Variants in DCAF10 observed in about 807,000 individuals in gnomAD.
DCAF10 encodes DDB1- and CUL4-associated factor 10.
In DCAF10, 19 loss-of-function variants were observed where a neutral mutation model predicts 51.9. The ratio of observed to expected loss-of-function variants is 0.37; its 90% CI spans 0.26 to 0.54. The LOEUF (loss-of-function observed/expected upper bound fraction) is 0.54. Among genes scored for constraint, DCAF10 ranks in the 20% least tolerant of loss-of-function variants. The pLI is 0.87. For synonymous variants in DCAF10, 291 were observed against 297.1 expected, an observed-to-expected ratio of 0.98 and a Z score of 0.21; for missense variants, 510 against 730.6, an observed-to-expected ratio of 0.70 and a Z score of 3.48.
intron 2 of DCAF10, among the ~76,000 whole-genome samples, chr9:37,824,670 GTTAAGAGTCAACAATTTGAA>G (rs1829803016): frequency 6.6e-6 from 1 of 152,042 alleles, no homozygotes; most frequent in East Asian, 1.9e-4. Flanking sequence ...AATTTTCTTT[GTTAAGAGTCAACAATTTGAA>G]TAAAAAGCCA....
chr9:37,808,843 G>A (rs2119025176), intron 1 of DCAF10, among the ~76,000 whole-genome samples: 1 of 98,016 alleles, frequency 1.0e-5, no homozygotes, highest in South Asian at 3.3e-4. Context: ...CAGAGACCTG[G>A]CACAGTGGGT....
rs368989371 is a variant in DCAF10 at position 37,864,596 on chromosome 9, A to ATAAAAT, written c.*3088_*3089insTAAAAT. The ATAAAAT allele has an allele frequency of 1.4e-5, 2 of 144,854 alleles. No individual in the cohort carries two copies. The highest frequency in any genetic ancestry group is 5.2e-5 in the African/African-American group (2 of 38,574). 9.0% of individuals were successfully genotyped at this position (144,854 alleles called of 1,614,324 possible). On this transcript the variant is annotated 3_prime_UTR_variant, in exon 7 of 7. Coordinates refer to ENST00000377724, the MANE Select transcript of DCAF10 (RefSeq NM_024345.5). ...GAGACTCTGCCTCAAAAAAAAAAAA[A>ATAAAAT]AAAATAAAATAAAATAAAATTAGTT...
chr9:37,839,412 T>G (rs1201767475), intron 2 of DCAF10, among the ~76,000 whole-genome samples: 1 of 152,100 alleles, frequency 6.6e-6, no homozygotes, highest in Non-Finnish European at 1.5e-5. Flanking sequence ...GTTATCGTTA[T>G]TTTTAAAATA....
At chr9:37,812,616 A>G (rs1829383228) in intron 1 of DCAF10, among the ~76,000 whole-genome samples, 1 of 152,218 alleles carries the variant, frequency 6.6e-6, no homozygotes, top group Non-Finnish European at 1.5e-5. Flanking sequence ...ATATGCGTGT[A>G]AATCAAAATG....
Position 37,854,802 on chromosome 9 carries a change from C to T in DCAF10, c.874C>T (p.His292Tyr), listed in dbSNP as rs1340034578. The T allele has an allele frequency of 1.9e-6, 3 of 1,613,944 alleles. No homozygotes were observed. The highest frequency in any genetic ancestry group is 3.3e-5 in the Admixed American group (2 of 60,010). The change falls in exon 4 of 7, where the codon CAT (histidine) becomes TAT (tyrosine). Residue 292 changes from histidine to tyrosine, a missense_variant. His to Tyr is a moderately conservative substitution (Grantham distance 83). Transcript: ENST00000377724. ...TNRYTEDGCPHKKFFHTRFLM... is the reference protein window; with the variant it reads ...TNRYTEDGCPYKKFFHTRFLM... ...TAGGTATACAGAAGATGGGTGTCCA[C>T]ATAAGAAATTCTTTCACACACGTTT...
intron 3 of DCAF10, among the ~76,000 whole-genome samples, chr9:37,849,976 T>C: frequency 6.6e-6 from 1 of 151,938 alleles, no homozygotes; most frequent in East Asian, 2.0e-4. Flanking sequence ...GGAGGACCCC[T>C]TGAGCCCAGG....
At chr9:37,822,414 T>G (rs1334820915) in intron 2 of DCAF10, among the ~76,000 whole-genome samples, 1 of 41,262 alleles carries the variant, frequency 2.4e-5, no homozygotes, top group Non-Finnish European at 4.7e-5. Flanking sequence ...GATATATATA[T>G]ATATATATAT....
intron 4 of DCAF10, among the ~76,000 whole-genome samples, chr9:37,856,696 A>C (rs1191640519): frequency 6.6e-6 from 1 of 152,192 alleles, no homozygotes. Context: ...CTTTAGGCCC[A>C]GCTACTCAGG....
intron 1 of DCAF10, among the ~76,000 whole-genome samples, chr9:37,807,843 G>T (rs1211777550): frequency 1.3e-5 from 2 of 151,732 alleles, no homozygotes; most frequent in Non-Finnish European, 2.9e-5. Context: ...TGTATTTTTA[G>T]TAGAGATGAG....
At chr9:37,851,431 C>T (rs1305154993) in intron 3 of DCAF10, among the ~76,000 whole-genome samples, 1 of 151,728 alleles carries the variant, frequency 6.6e-6, no homozygotes, top group East Asian at 2.0e-4. Flanking sequence ...CGTCCCACCT[C>T]GGCCTCCCAA....
At position 37,801,126 on chromosome 9, in the gene DCAF10, A is replaced by G; in HGVS notation, c.260A>G (p.Glu87Gly). The change falls in exon 1 of 7, where the codon GAG becomes GGG. Residue 87 changes from glutamate to glycine, a missense_variant. Around this residue, in one of 4 missense-constraint regions of DCAF10, gnomAD observed 251 missense variants for 227.9 expected, o/e 1.10. Transcript: ENST00000377724. The surrounding 1 kb of genome is among the most constrained non-coding windows in gnomAD (Gnocchi z 5.5). ...PESSTASAPGEPSPPSPPCRR... is the reference protein window; with the variant it reads ...PESSTASAPGGPSPPSPPCRR... ...TCCTCAACTGCCTCCGCCCCGGGAG[A>G]GCCGTCACCTCCCTCCCCTCCGTGC... 1 of 1,536,242 alleles carries G rather than the reference A, an allele frequency of 6.5e-7. No homozygotes were observed. The highest frequency in any genetic ancestry group is 8.7e-7 in the Non-Finnish European group (1 of 1,144,608).
In DCAF10 at chr9:37,867,461, C is replaced by A. The variant is rs1306073378; in HGVS notation, c.*5953C>A. Reference sequence around the variant, plus strand: ...TGTGTTTCCTGATAAATTTTAGATTCACATTTTTAGGAAATTTGGAGTATT... The same window carrying A: ...TGTGTTTCCTGATAAATTTTAGATTAACATTTTTAGGAAATTTGGAGTATT... On this transcript the variant is annotated 3_prime_UTR_variant, in exon 7 of 7. Transcript: ENST00000377724. 1 of 151,514 alleles carries A rather than the reference C, an allele frequency of 6.6e-6. No homozygotes were observed. Among genetic ancestry groups the A allele is most frequent in the Non-Finnish European group, 1.5e-5 (1 of 67,940 alleles). The allele number at this position is 151,514 out of a possible 1,614,324, so 9.4% of individuals were successfully genotyped here. A position where few individuals can be genotyped will look rare whatever the true frequency, so the allele number is the denominator to read the frequency against.
intron 5 of DCAF10, among the ~76,000 whole-genome samples, chr9:37,858,793 C>CT (rs1302854365): frequency 1.3e-5 from 2 of 152,204 alleles, no homozygotes; most frequent in Admixed American, 6.5e-5. Context: ...CATTAGAACT[C>CT]TATTTTTGAC....
chr9:37,852,930 T>TATATATATATATATATATATA, intron 3 of DCAF10, among the ~76,000 whole-genome samples: 1 of 109,828 alleles, frequency 9.1e-6, no homozygotes, highest in African/African-American at 3.5e-5. Context: ...GTATGTGAGG[T>TATATATATATATATATATATA]TATATATATA....
At chr9:37,821,354 G>A (rs941394248) in intron 2 of DCAF10, among the ~76,000 whole-genome samples, 8 of 152,078 alleles carry the variant, frequency 5.3e-5, no homozygotes, top group Non-Finnish European at 1.2e-4. Context: ...TAAGGGATAC[G>A]TTCCAATTAA....
intron 1 of DCAF10, among the ~76,000 whole-genome samples, chr9:37,818,914 C>CA (rs1829625650): frequency 3.9e-5 from 6 of 152,082 alleles, no homozygotes; most frequent in Admixed American, 3.9e-4. Context: ...ATTTAAGATA[C>CA]TTTGAATTTC....
intron 1 of DCAF10, among the ~76,000 whole-genome samples, chr9:37,813,452 G>C (rs532142559): frequency 1.3e-5 from 2 of 152,246 alleles, no homozygotes; most frequent in Non-Finnish European, 2.9e-5. Context: ...CAAATGGAAA[G>C]TAAATTCTCT....
Position 37,861,616 on chromosome 9 carries a change from T to C in DCAF10, c.*108T>C. On this transcript the variant is annotated 3_prime_UTR_variant, in exon 7 of 7. Coordinates refer to ENST00000377724, the MANE Select transcript of DCAF10 (RefSeq NM_024345.5). The surrounding 1 kb of genome is among the most constrained non-coding windows in gnomAD (Gnocchi z 4.9). The stretch of plus-strand genomic sequence containing the variant: ...AAGATCTTATAAGTTTGGGTCAAGA[T>C]CCTGGTTCTTATGGGTCCATGAACA... 1 of 1,473,754 alleles carries C rather than the reference T, an allele frequency of 6.8e-7. No individual in the cohort carries two copies. The highest frequency in any genetic ancestry group is 9.0e-7 in the Non-Finnish European group (1 of 1,107,598). 91.3% of individuals were successfully genotyped at this position (1,473,754 alleles called of 1,614,324 possible). A position where few individuals can be genotyped will look rare whatever the true frequency, so the allele number is the denominator to read the frequency against.
intron 3 of DCAF10, among the ~76,000 whole-genome samples, chr9:37,847,987 A>T (rs754741232): frequency 2.0e-5 from 3 of 152,214 alleles, no homozygotes; most frequent in Non-Finnish European, 4.4e-5. Context: ...TAAAGGGAAT[A>T]TAAGAAGTTG....
Sources: allele counts gnomAD v4.1 joint callset (sites outside exome capture counted in the v4.1 genomes callset), GRCh38; gene constraint gnomAD v4.1.1; regional missense constraint gnomAD v4.1.1; non-coding constraint Gnocchi (gnomAD v3.1); transcripts MANE v1.5; gene names NCBI Gene and HGNC (gene_info 2026-07-23, HGNC 2026-07-21).